MET: variants seen among roughly 807,000 people sequenced by gnomAD.
MET encodes MET proto-oncogene, receptor tyrosine kinase.
In MET, 48 loss-of-function variants were observed where a neutral mutation model predicts 133.1. The ratio of observed to expected loss-of-function variants is 0.36; its 90% confidence interval spans 0.29 to 0.46. The LOEUF (loss-of-function observed/expected upper bound fraction) is 0.46, where lower values mean the gene tolerates loss of function less well. Ranked by LOEUF, MET falls within the 20% of genes least tolerant of loss-of-function variation. The pLI is 1.00. For synonymous variants in MET, 628 were observed against 616.5 expected, an observed-to-expected ratio of 1.02 and a Z score of -0.28; for missense variants, 1,442 against 1,695.9, an observed-to-expected ratio of 0.85 and a Z score of 2.63.
chr7:116,730,388 T>C (rs1465257935), intron 2 of MET, among the ~76,000 whole-genome samples: 4 of 152,216 alleles, frequency 2.6e-5, no homozygotes, highest in African/African-American at 9.6e-5. Flanking sequence ...TGTTGTTCTT[T>C]ATCCTAACAG....
chr7:116,794,201 C>T (rs1795602566), intron 19 of MET, among the ~76,000 whole-genome samples: 1 of 152,136 alleles, frequency 6.6e-6, no homozygotes, highest in East Asian at 1.9e-4. Flanking sequence ...TCATTCAGCC[C>T]TGGGACCTAT....
At chr7:116,719,604 A>G (rs1195727512) in intron 2 of MET, among the ~76,000 whole-genome samples, 1 of 152,174 alleles carries the variant, frequency 6.6e-6, no homozygotes. Flanking sequence ...GTTTTCTTCT[A>G]GGGTTTTTAT....
chr7:116,703,540 T>C (rs1013501515), intron 2 of MET, among the ~76,000 whole-genome samples: 1 of 152,136 alleles, frequency 6.6e-6, no homozygotes, highest in African/African-American at 2.4e-5. Flanking sequence ...AAGGCCCATA[T>C]GTAGGGAGAA....
At chr7:116,754,171 T>A (rs557146277) in intron 5 of MET, among the ~76,000 whole-genome samples, 14 of 152,270 alleles carry the variant, frequency 9.2e-5, no homozygotes, top group African/African-American at 3.4e-4. Context: ...AATGAATGAA[T>A]GAATGAATTA....
At chr7:116,777,786 G>A (rs571290716) in intron 16 of MET, among the ~76,000 whole-genome samples, 2 of 152,256 alleles carry the variant, frequency 1.3e-5, no homozygotes, top group African/African-American at 4.8e-5. Context: ...ACTATTGGAA[G>A]CATGTTGGCA....
chr7:116,778,244 G>A (rs775458347), intron 16 of MET, among the ~76,000 whole-genome samples: 3 of 152,098 alleles, frequency 2.0e-5, no homozygotes, highest in Non-Finnish European at 4.4e-5. Context: ...ACATGCTTGC[G>A]TTTTCTACTC....
At chr7:116,739,810 A>G (rs1793372385) in intron 3 of MET, 140 bp from the exon 4 acceptor site, 1 of 1,177,740 alleles carries the variant, frequency 8.5e-7, no homozygotes, top group Admixed American at 1.7e-5. Flanking sequence ...ATTGATTTAC[A>G]ATGAGGGGAA....
At chr7:116,710,599 C>T (rs1584889368) in intron 2 of MET, among the ~76,000 whole-genome samples, 1 of 151,914 alleles carries the variant, frequency 6.6e-6, no homozygotes, top group Non-Finnish European at 1.5e-5. Context: ...ATGTTGACCT[C>T]GGTACTGAAA....
intron 2 of MET, among the ~76,000 whole-genome samples, chr7:116,714,745 G>GCACACACACACA (rs142954535): frequency 2.0e-4 from 29 of 145,112 alleles, no homozygotes; most frequent in Non-Finnish European, 2.9e-4. Context: ...TCACATGCAC[G>GCACACACACACA]CACACACACA....
At position 116,769,726 on chromosome 7, in the gene MET, T is replaced by C; in HGVS notation, c.2665T>C (p.Ser889Pro). ...GAGCTGTGAGAATATACACTTACAT[T>C]CTGAAGCCGTTTTATGCACGGTCCC... ...NKSCENIHLH[S>P]EAVLCTVPND... is the part of the protein sequence containing the mutation. Residue 889 changes from serine (S) to proline (P), a missense_variant, in exon 12 of 21, where the codon TCT becomes CCT. Ser to Pro is a moderately conservative substitution (Grantham distance 74). Transcript: ENST00000397752. 6.2e-7 allele frequency: 1 copy of C among 1,613,820 alleles called. No individual in the cohort carries two copies. The highest frequency in any genetic ancestry group is 8.5e-7 in the Non-Finnish European group (1 of 1,179,856).
rs367649400 is a variant in MET, at chr7:116,759,354, C to T, written c.2265-37C>T. The T allele has an allele frequency of 4.4e-6, 7 of 1,601,358 alleles. No homozygotes were observed. The highest frequency in any genetic ancestry group is 6.0e-6 in the Non-Finnish European group (7 of 1,173,176). On this transcript the variant is annotated intron_variant, in intron 9 of 20. Coordinates refer to ENST00000397752, the MANE Select transcript of MET (RefSeq NM_000245.4). ...TCTTACAGTACTTGGTGGAAAGAAC[C>T]TCTCAACATTGTCAGTTTTCTATTT...
In MET at chr7:116,699,128, T is replaced by C. The variant is rs2116578774; in HGVS notation, c.44T>C (p.Leu15Pro). 1.2e-6 allele frequency: 2 copies of C among 1,613,934 alleles called. No individual in the cohort carries two copies. Among genetic ancestry groups the C allele is most frequent in the Non-Finnish European group, 1.7e-6 (2 of 1,179,864 alleles). ...CTTGCACCTGGCATCCTCGTGCTCC[T>C]GTTTACCTTGGTGCAGAGGAGCAAT... is the stretch of plus-strand genomic sequence containing the variant. ...AVLAPGILVLLFTLVQRSNGE... is the reference protein window; with the variant it reads ...AVLAPGILVLPFTLVQRSNGE... The change falls in exon 2 of 21, where the codon CTG becomes CCG. Residue 15 changes from leucine (L) to proline (P), a missense_variant. Leu to Pro is a moderately conservative substitution (Grantham distance 98). Transcript: ENST00000397752.
In MET at chr7:116,763,034, T is replaced by C. The variant is rs763349755; in HGVS notation, c.2365-16T>C. ...GCTGTATTCTGTTTACAGTGGATAA[T>C]TGTGTCTTTCTCTAGGCATGTCAAC... is the stretch of plus-strand genomic sequence containing the variant. On this transcript the variant is annotated splice_polypyrimidine_tract_variant and intron_variant, in intron 10 of 20. Transcript: ENST00000397752. 2.5e-6 allele frequency: 4 copies of C among 1,603,382 alleles called. No individual in the cohort carries two copies. Among genetic ancestry groups the C allele is most frequent in the African/African-American group, 2.7e-5 (2 of 74,688 alleles).
chr7:116,715,856 TA>T (rs2116679159), intron 2 of MET, among the ~76,000 whole-genome samples: 1 of 152,294 alleles, frequency 6.6e-6, no homozygotes, highest in East Asian at 1.9e-4. Flanking sequence ...AGCATTACAC[TA>T]AAAAGTTGTA....
At chr7:116,693,829 G>C (rs563716794) in intron 1 of MET, among the ~76,000 whole-genome samples, 3 of 152,156 alleles carry the variant, frequency 2.0e-5, no homozygotes, top group Non-Finnish European at 2.9e-5. Flanking sequence ...GGCCATGTAC[G>C]AACAATAGAG....
In MET at chr7:116,699,183, C is replaced by T. The variant is rs1363905218; in HGVS notation, c.99C>T (p.Ser33=). 5.6e-6 allele frequency: 9 copies of T among 1,613,870 alleles called. No individual in the cohort carries two copies. The highest frequency in any genetic ancestry group is 1.7e-5 in the Admixed American group (1 of 59,960). ...NGECKEALAK[S]EMNVNMKYQL... ...AGTGTAAAGAGGCACTAGCAAAGTC[C>T]GAGATGAATGTGAATATGAAGTATC... The change falls in exon 2 of 21, where the codon TCC becomes TCT. Residue 33 remains serine, a synonymous_variant. Transcript: ENST00000397752.
chr7:116,772,270 A>G (rs1794860535), intron 14 of MET, among the ~76,000 whole-genome samples: 1 of 152,218 alleles, frequency 6.6e-6, no homozygotes, highest in African/African-American at 2.4e-5. Context: ...CAATAGTAAG[A>G]AATTGCGAAG....
rs760091049 is a variant in MET, at chr7:116,677,969, T to TTCTC, written c.-15+5406_-15+5409dup. On this transcript the variant is annotated intron_variant, in intron 1 of 20. Coordinates refer to ENST00000397752, the MANE Select transcript of MET (RefSeq NM_000245.4). ...AAACTCCCCCTTTGGAATATTGTCT[T>TTCTC]TCTCTCTCTCTCTCTCTGTCTCTCT... Among the ~76,000 whole-genome samples the TTCTC allele has an allele frequency of 5.1e-3, 480 of 93,442 alleles. 5 individuals are homozygous for TTCTC. Among genetic ancestry groups the TTCTC allele is most frequent in the African/African-American group, 0.033 (460 of 13,900 alleles). The allele number at this position is 93,442 out of a possible 152,430, so 61.3% of individuals were successfully genotyped here. A position where few individuals can be genotyped will look rare whatever the true frequency, so the allele number is the denominator to read the frequency against.
chr7:116,785,594 A>T (rs187058025), intron 19 of MET, among the ~76,000 whole-genome samples: 7 of 152,336 alleles, frequency 4.6e-5, no homozygotes, highest in Non-Finnish European at 1.5e-5. Context: ...CAGCTCCCAC[A>T]CTGGGGATTA....
Sources: gnomAD v4.1 joint callset for allele counts (sites outside exome capture counted in the v4.1 genomes callset) on GRCh38, gnomAD v4.1.1 for gene constraint, MANE v1.5 for transcripts, NCBI Gene and HGNC (gene_info 2026-07-23, HGNC 2026-07-21) for gene names.